NDUFAF2: variants seen among roughly 807,000 people sequenced by gnomAD.
NDUFAF2 encodes the protein NADH:ubiquinone oxidoreductase complex assembly factor 2.
NDUFAF2 carries 13 observed loss-of-function variants against 22.8 expected under a neutral mutation model. The observed-to-expected ratio is 0.57, with a 90% CI of 0.37 to 0.91. NDUFAF2 has a LOEUF of 0.91. NDUFAF2 is among the 40% of genes least tolerant of loss of function. The probability of loss-of-function intolerance (pLI) is 0.01; values close to 1 mark genes in which losing one functional copy is unlikely to be tolerated. For synonymous variants in NDUFAF2, 53 were observed against 64.2 expected, an observed-to-expected ratio of 0.83 and a Z score of 0.84; for missense variants, 162 against 195.2, an observed-to-expected ratio of 0.83 and a Z score of 1.01.
rs543052734 is a variant in NDUFAF2 at position 61,066,789 on chromosome 5, A to ATTG, written c.128-6331_128-6329dup. Among the ~76,000 whole-genome samples, 631 of 152,136 alleles carry ATTG rather than the reference A, an allele frequency of 4.1e-3. 5 individuals are homozygous for ATTG. The highest frequency in any genetic ancestry group is 2.5e-3 in the Non-Finnish European group (172 of 67,966). On this transcript the variant is annotated intron_variant, in intron 1 of 3. Transcript: ENST00000296597. ...ACTGTATTTTTTAAATTTGTATTTTATTGTTGTGTTGTTGTTTCATCATTT... is the reference window on the plus strand; with the variant it reads ...ACTGTATTTTTTAAATTTGTATTTTATTGTTGTTGTGTTGTTGTTTCATCATTT...
At chr5:61,117,916 T>C in intron 3 of NDUFAF2, among the ~76,000 whole-genome samples, 1 of 152,178 alleles carries the variant, frequency 6.6e-6, no homozygotes, top group Non-Finnish European at 1.5e-5. Flanking sequence ...AGGTGGATCC[T>C]AGTTTGTCAA....
chr5:61,035,976 A>G (rs1161784043), intron 1 of NDUFAF2, among the ~76,000 whole-genome samples: 2 of 152,198 alleles, frequency 1.3e-5, no homozygotes, highest in Non-Finnish European at 2.9e-5. Context: ...TAAATAAACC[A>G]CAAAACTCAC....
chr5:60,974,208 G>C (rs1347903766), intron 1 of NDUFAF2, among the ~76,000 whole-genome samples: 1 of 152,178 alleles, frequency 6.6e-6, no homozygotes, highest in African/African-American at 2.4e-5. Flanking sequence ...GAGCAGACTT[G>C]CTGAGTCTTC....
At chr5:61,050,407 T>C (rs1198449832) in intron 1 of NDUFAF2, 1 of 152,190 alleles carries the variant, frequency 6.6e-6, no homozygotes, top group Non-Finnish European at 1.5e-5. Flanking sequence ...ATTTGAATAC[T>C]GTGCTGACTG....
chr5:61,083,439 T>C (rs1216645932), intron 2 of NDUFAF2: 2 of 152,252 alleles, frequency 1.3e-5, no homozygotes, highest in African/African-American at 4.8e-5. Context: ...TACTGCAAAC[T>C]CTGCCTCCTG....
At chr5:61,119,034 C>T (rs2111796128) in intron 3 of NDUFAF2, among the ~76,000 whole-genome samples, 1 of 152,090 alleles carries the variant, frequency 6.6e-6, no homozygotes, top group Non-Finnish European at 1.5e-5. Context: ...TATACCGAAA[C>T]CTTATAATTA....
intron 2 of NDUFAF2, among the ~76,000 whole-genome samples, chr5:61,075,985 A>G (rs181049526): frequency 1.8e-4 from 28 of 152,336 alleles, no homozygotes; most frequent in African/African-American, 6.7e-4. Context: ...AATACACCAG[A>G]TAAATAACTA....
intron 2 of NDUFAF2, among the ~76,000 whole-genome samples, chr5:61,094,370 G>T (rs748860862): frequency 2.0e-5 from 3 of 152,112 alleles, no homozygotes; most frequent in Non-Finnish European, 2.9e-5. Context: ...TGGCTGTTTT[G>T]TCCGTCAGCC....
At chr5:61,112,665 T>C (rs952164015) in intron 3 of NDUFAF2, among the ~76,000 whole-genome samples, 3 of 152,206 alleles carry the variant, frequency 2.0e-5, no homozygotes, top group African/African-American at 7.2e-5. Flanking sequence ...GTGTGTTTCT[T>C]GTAGACAACA....
intron 1 of NDUFAF2, among the ~76,000 whole-genome samples, chr5:60,986,159 A>T (rs193025296): frequency 6.0e-4 from 91 of 152,292 alleles, no homozygotes; most frequent in Non-Finnish European, 1.1e-3. Context: ...ACCCAAAAGG[A>T]AGGAAATCAG....
intron 3 of NDUFAF2, among the ~76,000 whole-genome samples, chr5:61,113,378 G>T (rs971401578): frequency 1.3e-5 from 2 of 152,092 alleles, no homozygotes; most frequent in African/African-American, 4.8e-5. Flanking sequence ...ATTTTGTAAA[G>T]TCTTTATTTC....
chr5:61,129,348 T>C (rs569369645), intron 3 of NDUFAF2, among the ~76,000 whole-genome samples: 1 of 152,316 alleles, frequency 6.6e-6, no homozygotes, highest in South Asian at 2.1e-4. Flanking sequence ...GACATGTATG[T>C]TTATTGCAGC....
intron 3 of NDUFAF2, among the ~76,000 whole-genome samples, chr5:61,117,202 T>C (rs1004908598): frequency 9.9e-5 from 15 of 152,202 alleles, no homozygotes; most frequent in African/African-American, 3.6e-4. Context: ...CAGAGCCTGC[T>C]TTGTAACTGT....
intron 1 of NDUFAF2, among the ~76,000 whole-genome samples, chr5:61,070,170 A>T (rs962662436): frequency 6.6e-6 from 1 of 152,162 alleles, no homozygotes; most frequent in African/African-American, 2.4e-5. Flanking sequence ...TGTAAATTAG[A>T]ACCTAAAATT....
At chr5:61,049,137 C>T (rs1751991870) in intron 1 of NDUFAF2, among the ~76,000 whole-genome samples, 1 of 152,006 alleles carries the variant, frequency 6.6e-6, no homozygotes, top group African/African-American at 2.4e-5. Context: ...TTGTGGATAA[C>T]AGCTGGTAAT....
At chr5:61,056,969 TA>T (rs1188519612) in intron 1 of NDUFAF2, among the ~76,000 whole-genome samples, 19 of 134,164 alleles carry the variant, frequency 1.4e-4, no homozygotes, top group African/African-American at 2.0e-4. Context: ...TGGTGCTATA[TA>T]AAAACTTTTG....
At chr5:60,995,497 T>A (rs144397717) in intron 1 of NDUFAF2, among the ~76,000 whole-genome samples, 2 of 152,320 alleles carry the variant, frequency 1.3e-5, no homozygotes, top group Admixed American at 1.3e-4. Context: ...AGGCAGAGAC[T>A]CTTGTACTCT....
intron 2 of NDUFAF2, among the ~76,000 whole-genome samples, chr5:61,097,309 A>T (rs1752656460): frequency 6.6e-6 from 1 of 152,256 alleles, no homozygotes; most frequent in African/African-American, 2.4e-5. Flanking sequence ...ACTAAACATC[A>T]TAGCTTAGCC....
intron 1 of NDUFAF2, among the ~76,000 whole-genome samples, chr5:61,033,630 A>C (rs1167866678): frequency 6.6e-6 from 1 of 152,116 alleles, no homozygotes; most frequent in Non-Finnish European, 1.5e-5. Flanking sequence ...ATTTATTTCC[A>C]TGTTTTTTCA....
Sources: allele counts gnomAD v4.1 joint callset (sites outside exome capture counted in the v4.1 genomes callset), GRCh38; gene constraint gnomAD v4.1.1; transcripts MANE v1.5; gene names NCBI Gene and HGNC (gene_info 2026-07-23, HGNC 2026-07-21).